Variants in BSCL2 observed in about 807,000 individuals in gnomAD.
BSCL2 encodes seipin.
Under a neutral mutation model 57.4 loss-of-function variants are expected in BSCL2, and 41 were observed. That is an observed-to-expected ratio of 0.71 (90% CI 0.56 to 0.93). The LOEUF is 0.93. Among genes scored for constraint, BSCL2 ranks in the 40% least tolerant of loss-of-function variants. The pLI is 0.00. For synonymous variants in BSCL2, 237 were observed against 227.3 expected (o/e 1.04, Z -0.38); for missense variants, 539 against 586.7 (o/e 0.92, Z 0.84).
chr11:62,706,249 G>A (rs2083531717), intron 1 of BSCL2: 2 of 1,096,022 alleles, frequency 1.8e-6, no homozygotes, highest in Non-Finnish European at 2.3e-6. Context: ...CCACAGGGCT[G>A]CCGACTCACC....
intron 3 of BSCL2, among the ~76,000 whole-genome samples, chr11:62,698,052 C>T (rs1223623244): frequency 6.6e-6 from 1 of 151,192 alleles, no homozygotes; most frequent in Non-Finnish European, 1.5e-5. Context: ...GGACTACAGG[C>T]GCCCGCCACC....
intron 2 of BSCL2, among the ~76,000 whole-genome samples, chr11:62,702,974 C>T (rs1457127962): frequency 6.6e-6 from 1 of 151,904 alleles, no homozygotes; most frequent in Non-Finnish European, 1.5e-5. Context: ...AACATGGAGA[C>T]ACCCCATCTC....
intron 6 of BSCL2, 130 bp downstream of exon 6, chr11:62,692,246 G>T: frequency 1.1e-6 from 1 of 901,408 alleles, no homozygotes; most frequent in Non-Finnish European, 1.8e-6. Flanking sequence ...GCAGCTTTGA[G>T]ACCCTCTGGC....
At chr11:62,692,051 TAAAAAA>T (rs5792267) in intron 6 of BSCL2, among the ~76,000 whole-genome samples, 1 of 132,410 alleles carries the variant, frequency 7.6e-6, no homozygotes, top group African/African-American at 2.9e-5. Flanking sequence ...GACCCCCTCT[TAAAAAA>T]AAAAAAAAAA....
In BSCL2 at chr11:62,707,102, C is replaced by G. The variant is rs376568543; in HGVS notation, c.87+7G>C. 1 of 1,552,472 alleles carries G rather than the reference C, an allele frequency of 6.4e-7. No homozygotes were observed. Among genetic ancestry groups the G allele is most frequent in the Non-Finnish European group, 8.7e-7 (1 of 1,146,926 alleles). ...TTTCTGCTGACTGTCCCCACAAGGGCCCCTACCTCCTCTTTGTCCGGTCCT... is the reference window on the plus strand; with the variant it reads ...TTTCTGCTGACTGTCCCCACAAGGGGCCCTACCTCCTCTTTGTCCGGTCCT... On this transcript the variant is annotated splice_region_variant and intron_variant, in intron 1 of 10. Transcript: ENST00000360796.
In BSCL2 at chr11:62,705,416, C is replaced by T. The variant is rs2083510633; in HGVS notation, c.289G>A (p.Val97Met). ...AAAAGGAGGATGGTGCAGAAGAGCA[C>T]CCCAAACTGCAGCAGCAGCCTGCGG... ...RARRLLLQFG[V>M]LFCTILLLLW... Residue 97 changes from valine to methionine, a missense_variant, in exon 2 of 11, where the codon GTG becomes ATG. By Grantham distance (21) the Val-to-Met change is conservative. Around this residue, in one of 3 missense-constraint regions of BSCL2, gnomAD observed 218 missense variants for 224.8 expected, o/e 0.97. Transcript: ENST00000360796. 6.2e-7 allele frequency: 1 copy of T among 1,614,214 alleles called. No individual in the cohort carries two copies. The highest frequency in any genetic ancestry group is 8.5e-7 in the Non-Finnish European group (1 of 1,180,036).
chr11:62,695,672 T>C (rs1368957137), intron 3 of BSCL2, among the ~76,000 whole-genome samples: 31 of 134,160 alleles, frequency 2.3e-4, no homozygotes, highest in African/African-American at 7.7e-4. Flanking sequence ...GAGCGCGCCA[T>C]TGCACTGCAG....
chr11:62,698,355 C>T (rs915977647), intron 3 of BSCL2, among the ~76,000 whole-genome samples: 1 of 151,934 alleles, frequency 6.6e-6, no homozygotes, highest in Non-Finnish European at 1.5e-5. Flanking sequence ...CACACCACCA[C>T]GCCTGGCTAA....
At position 62,707,103 on chromosome 11, in the gene BSCL2, C is replaced by A. The variant is rs1190271556; in HGVS notation, c.87+6G>T. 1 of 1,552,718 alleles carries A rather than the reference C, an allele frequency of 6.4e-7. No homozygotes were observed. On this transcript the variant is annotated splice_donor_region_variant and intron_variant, in intron 1 of 10. Transcript: ENST00000360796. Reference sequence around the variant, plus strand: ...TTCTGCTGACTGTCCCCACAAGGGCCCCTACCTCCTCTTTGTCCGGTCCTT... The same window carrying A: ...TTCTGCTGACTGTCCCCACAAGGGCACCTACCTCCTCTTTGTCCGGTCCTT...
intron 7 of BSCL2, 63 bp downstream of exon 7, chr11:62,691,217 C>T: frequency 6.2e-7 from 1 of 1,614,068 alleles, no homozygotes. Flanking sequence ...CCTTAATCCC[C>T]AACATACCCC....
At chr11:62,695,903 G>C (rs1315740840) in intron 3 of BSCL2, among the ~76,000 whole-genome samples, 1 of 150,140 alleles carries the variant, frequency 6.7e-6, no homozygotes, top group East Asian at 2.0e-4. Flanking sequence ...GCCGGGCGCG[G>C]TTGGCTCATG....
rs547576687 is a variant in BSCL2, at chr11:62,705,713, C to T, written c.88-96G>A. On this transcript the variant is annotated intron_variant, in intron 1 of 10. Coordinates refer to ENST00000360796, the MANE Select transcript of BSCL2 (RefSeq NM_001122955.4). Reference sequence around the variant, plus strand: ...ACTGGCTTTGAGGAACGAGAGATAGCAGGATAGCAAAGTCATTGTTTCATA... The same window carrying T: ...ACTGGCTTTGAGGAACGAGAGATAGTAGGATAGCAAAGTCATTGTTTCATA... 2.5e-5 allele frequency: 30 copies of T among 1,198,574 alleles called. No individual in the cohort carries two copies. The South Asian group carries it at 4.3e-4, about 17-fold the overall frequency. The allele number at this position is 1,198,574 out of a possible 1,614,324, so 74.2% of individuals were successfully genotyped here. A position where few individuals can be genotyped will look rare whatever the true frequency, so the allele number is the denominator to read the frequency against.
At chr11:62,705,942 A>T (rs1262815636) in intron 1 of BSCL2, 1 of 311,978 alleles carries the variant, frequency 3.2e-6, no homozygotes, top group Non-Finnish European at 6.0e-6. Flanking sequence ...AGAGCTTTAC[A>T]CACACGGTGA....
At chr11:62,703,239 T>C (rs1038784638) in intron 2 of BSCL2, among the ~76,000 whole-genome samples, 4 of 150,866 alleles carry the variant, frequency 2.7e-5, no homozygotes, top group Non-Finnish European at 5.9e-5. Context: ...AGAAAACGCC[T>C]CCAAAAGGAT....
In BSCL2 at chr11:62,690,787, C is replaced by G; in HGVS notation, c.1153G>C (p.Glu385Gln). 1 of 1,613,762 alleles carries G rather than the reference C, an allele frequency of 6.2e-7. No homozygotes were observed. The highest frequency in any genetic ancestry group is 8.5e-7 in the Non-Finnish European group (1 of 1,180,026). The stretch of plus-strand genomic sequence containing the variant: ...AGAGAGTGTGGTGGCTGCGCCATAC[C>G]TGTCCCTGAGGGATCTTCAGGGCTC... ...GESPEDPSGT[E>Q]GQLSEEEKPD... Residue 385 changes from glutamate (E) to glutamine (Q), a missense_variant and splice_region_variant, in exon 9 of 11, where the codon GAG becomes CAG. Around this residue, in one of 3 missense-constraint regions of BSCL2, gnomAD observed 248 missense variants for 239.9 expected, o/e 1.03. Transcript: ENST00000360796.
upstream of BSCL2, chr11:62,707,684 A>G (rs1311564509): frequency 2.6e-6 from 1 of 381,218 alleles, no homozygotes; most frequent in East Asian, 5.9e-5. Context: ...TCCTTCTAGC[A>G]TCCTTCATCC....
intron 3 of BSCL2, among the ~76,000 whole-genome samples, chr11:62,699,941 C>A (rs1945590465): frequency 6.6e-6 from 1 of 151,836 alleles, no homozygotes; most frequent in Non-Finnish European, 1.5e-5. Flanking sequence ...CTCAGCCTCC[C>A]AAAGTGCTGA....
chr11:62,697,248 A>T (rs1590875929), intron 3 of BSCL2, among the ~76,000 whole-genome samples: 1 of 151,442 alleles, frequency 6.6e-6, no homozygotes, highest in South Asian at 2.1e-4. Context: ...CAAAAAAATT[A>T]GCCGGGCATG....
intron 2 of BSCL2, among the ~76,000 whole-genome samples, chr11:62,703,973 T>C (rs1039879361): frequency 6.9e-5 from 10 of 145,316 alleles, no homozygotes; most frequent in African/African-American, 2.6e-4. Context: ...AAAAAAAAAT[T>C]AGCCAGGTGT....
Sources: gnomAD v4.1 joint callset for allele counts (sites outside exome capture counted in the v4.1 genomes callset) on GRCh38, gnomAD v4.1.1 for gene constraint, gnomAD v4.1.1 regional missense constraint, MANE v1.5 for transcripts, NCBI Gene and HGNC (gene_info 2026-07-23, HGNC 2026-07-21) for gene names.